The following PAK5 variants were observed in gnomAD, a reference collection of about 807,000 sequenced individuals.
The protein encoded by PAK5 is serine/threonine-protein kinase PAK 5.
A neutral mutation model predicts 65.9 loss-of-function variants in PAK5; 16 were observed. The observed-to-expected ratio is 0.24, with a 90% CI of 0.16 to 0.37. PAK5 has a LOEUF of 0.37. Among genes scored for constraint, PAK5 ranks in the 10% least tolerant of loss-of-function variants. The probability of loss-of-function intolerance (pLI) is 1.00; values close to 1 mark genes in which losing one functional copy is unlikely to be tolerated. For synonymous variants in PAK5, 371 were observed against 354.9 expected (o/e 1.05, Z -0.51); for missense variants, 785 against 903.9 (o/e 0.87, Z 1.69).
intron 3 of PAK5, among the ~76,000 whole-genome samples, chr20:9,627,408 G>T (rs2046859268): frequency 6.6e-6 from 1 of 152,178 alleles, no homozygotes; most frequent in South Asian, 2.1e-4. Flanking sequence ...GACCCATGAG[G>T]CGGGAGGTGA....
intron 1 of PAK5, among the ~76,000 whole-genome samples, chr20:9,817,459 A>G (rs2123765627): frequency 6.6e-6 from 1 of 152,294 alleles, no homozygotes; most frequent in East Asian, 1.9e-4. Context: ...GGCCCTGGAG[A>G]TAGCAGGCCA....
At chr20:9,822,614 A>G (rs1256209407) in intron 1 of PAK5, among the ~76,000 whole-genome samples, 1 of 152,236 alleles carries the variant, frequency 6.6e-6, no homozygotes, top group Non-Finnish European at 1.5e-5. Context: ...TGACTAGCAG[A>G]AGATAAATTT....
At position 9,638,698 on chromosome 20, in the gene PAK5, C is replaced by T. The variant is rs188105619; in HGVS notation, c.204+5427G>A. 7.5e-4 allele frequency among the ~76,000 whole-genome samples: 114 copies of T among 152,254 alleles called. 1 individual carries two copies. The East Asian group carries it at 0.019, about 26-fold the overall frequency. On this transcript the variant is annotated intron_variant, in intron 3 of 9. Transcript: ENST00000353224. Reference sequence around the variant, plus strand: ...CTGATCTGCTGTATGGCTGGAGAAGCCCTGGCCTAAATAAGTCTACACAGA... The same window carrying T: ...CTGATCTGCTGTATGGCTGGAGAAGTCCTGGCCTAAATAAGTCTACACAGA...
At chr20:9,766,888 G>A (rs555346009) in intron 1 of PAK5, among the ~76,000 whole-genome samples, 1 of 149,922 alleles carries the variant, frequency 6.7e-6, no homozygotes, top group Admixed American at 6.7e-5. Context: ...CTAACAATAT[G>A]TGCACAATTC....
intron 1 of PAK5, among the ~76,000 whole-genome samples, chr20:9,730,366 T>A (rs2048323708): frequency 6.6e-6 from 1 of 152,184 alleles, no homozygotes; most frequent in Admixed American, 6.6e-5. Context: ...CAAGAGGATG[T>A]TTCAACTTAT....
chr20:9,694,138 A>G (rs376583269), intron 2 of PAK5, among the ~76,000 whole-genome samples: 2 of 152,110 alleles, frequency 1.3e-5, no homozygotes, highest in African/African-American at 2.4e-5. Flanking sequence ...TATATGTCCA[A>G]TGAGGAATTT....
At chr20:9,738,292 T>A (rs1321133068) in intron 1 of PAK5, among the ~76,000 whole-genome samples, 1 of 152,108 alleles carries the variant, frequency 6.6e-6, no homozygotes, top group Non-Finnish European at 1.5e-5. Flanking sequence ...GCCTACTATA[T>A]GATCCAGCCA....
chr20:9,674,690 G>T (rs139858998), intron 2 of PAK5, among the ~76,000 whole-genome samples: 1 of 152,300 alleles, frequency 6.6e-6, no homozygotes, highest in East Asian at 1.9e-4. Flanking sequence ...TTTATTGAGG[G>T]AGTGCTTTCA....
Position 9,690,756 on chromosome 20 carries a change from T to C in PAK5, c.-12+20530A>G, listed in dbSNP as rs867885888. ...TTTCTTTCTTTCTTTCTTTCTTTTT[T>C]TTTTTTTTTTTTTTTGAGAAGGAGT... is the stretch of plus-strand genomic sequence containing the variant. On this transcript the variant is annotated intron_variant, in intron 2 of 9. Coordinates refer to ENST00000353224, the MANE Select transcript of PAK5 (RefSeq NM_177990.4). 3.4e-4 allele frequency among the ~76,000 whole-genome samples: 48 copies of C among 140,630 alleles called. No homozygotes were observed. The East Asian group carries it at 6.8e-3, about 20-fold the overall frequency. The allele number at this position is 140,630 out of a possible 152,430, so 92.3% of individuals were successfully genotyped here.
intron 3 of PAK5, among the ~76,000 whole-genome samples, chr20:9,616,612 A>G (rs1432454974): frequency 6.6e-6 from 1 of 152,242 alleles, no homozygotes; most frequent in African/African-American, 2.4e-5. Context: ...ACAAGCTCCC[A>G]GGGGATGCTG....
At chr20:9,572,289 T>C (rs2045803176) in intron 4 of PAK5, among the ~76,000 whole-genome samples, 1 of 152,222 alleles carries the variant, frequency 6.6e-6, no homozygotes, top group Non-Finnish European at 1.5e-5. Flanking sequence ...TCTTCTGCGA[T>C]GAGACCTCCT....
intron 2 of PAK5, among the ~76,000 whole-genome samples, chr20:9,653,761 T>A (rs2123306965): frequency 6.6e-6 from 1 of 152,132 alleles, no homozygotes; most frequent in Middle Eastern, 3.4e-3. Context: ...GTTCTGGAGG[T>A]TGGAAGTATA....
intron 1 of PAK5, among the ~76,000 whole-genome samples, chr20:9,746,494 G>T (rs1398560130): frequency 4.6e-5 from 7 of 152,090 alleles, no homozygotes; most frequent in Admixed American, 4.6e-4. Context: ...ATGGCTCAAT[G>T]AATATTGGCA....
intron 1 of PAK5, among the ~76,000 whole-genome samples, chr20:9,792,141 G>A (rs755132125): frequency 9.9e-5 from 15 of 152,010 alleles, no homozygotes; most frequent in Non-Finnish European, 1.8e-4. Flanking sequence ...TTTTTATTAG[G>A]CAGATAAATA....
At chr20:9,578,258 T>G (rs2045921263) in intron 4 of PAK5, among the ~76,000 whole-genome samples, 1 of 152,152 alleles carries the variant, frequency 6.6e-6, no homozygotes, top group Admixed American at 6.5e-5. Context: ...GGATTGCTGG[T>G]GGTGACATTA....
intron 2 of PAK5, among the ~76,000 whole-genome samples, chr20:9,650,417 G>T (rs1210198016): frequency 6.6e-6 from 1 of 152,114 alleles, no homozygotes; most frequent in Non-Finnish European, 1.5e-5. Context: ...CCAATTACAG[G>T]CAATTTGTAG....
chr20:9,668,400 A>T (rs544539127), intron 2 of PAK5, among the ~76,000 whole-genome samples: 5 of 152,306 alleles, frequency 3.3e-5, no homozygotes, highest in South Asian at 2.1e-4. Context: ...TAAATCCTTC[A>T]TGATTAGATG....
intron 6 of PAK5, among the ~76,000 whole-genome samples, chr20:9,558,042 T>TCA (rs56408720): frequency 0.029 from 4,214 of 147,034 alleles, 92 homozygotes; most frequent in African/African-American, 0.07. Context: ...ATTTATTTAT[T>TCA]TATTCATTCA....
intron 1 of PAK5, among the ~76,000 whole-genome samples, chr20:9,793,914 C>T (rs1218651718): frequency 6.6e-6 from 1 of 152,136 alleles, no homozygotes; most frequent in East Asian, 1.9e-4. Context: ...ATAGCAAAGA[C>T]TTGGAACCAA....
Sources: gnomAD v4.1 joint callset for allele counts (sites outside exome capture counted in the v4.1 genomes callset) on GRCh38, gnomAD v4.1.1 for gene constraint, MANE v1.5 for transcripts, NCBI Gene and HGNC (gene_info 2026-07-23, HGNC 2026-07-21) for gene names.